AP3B1: variants seen among roughly 807,000 people sequenced by gnomAD.
The protein encoded by AP3B1 is adaptor related protein complex 3 subunit beta 1.
A neutral mutation model predicts 132.5 loss-of-function variants in AP3B1; 61 were observed. That is an observed-to-expected ratio of 0.46 (90% CI 0.37 to 0.57). The LOEUF is 0.57. AP3B1 is among the 20% of genes least tolerant of loss of function. The probability of loss-of-function intolerance (pLI) is 0.00; values close to 1 mark genes in which losing one functional copy is unlikely to be tolerated. For missense variants in AP3B1, 1,120 were observed against 1,289.4 expected (o/e 0.87, Z 2.01); for synonymous variants, 388 against 438.3 (o/e 0.89, Z 1.43).
chr5:78,251,909 C>G, intron 2 of AP3B1, among the ~76,000 whole-genome samples: 1 of 152,112 alleles, frequency 6.6e-6, no homozygotes, highest in East Asian at 1.9e-4. Context: ...GCTGGTGGCT[C>G]CAAAAGAGAC....
In AP3B1 at chr5:78,229,575, C is replaced by CAAAAAAAAA. The variant is rs70997973; in HGVS notation, c.280-1345_280-1337dup. On this transcript the variant is annotated intron_variant, in intron 3 of 26. Coordinates refer to ENST00000255194, the MANE Select transcript of AP3B1 (RefSeq NM_003664.5). Reference sequence around the variant, plus strand: ...TGGTGAAATCCCATTTCTAGTAAAACAAAAAAAAAAAAAATTAGCCAGGCA... The same window carrying CAAAAAAAAA: ...TGGTGAAATCCCATTTCTAGTAAAACAAAAAAAAAAAAAAAAAAAAAAATTAGCCAGGCA... 1.8e-3 allele frequency among the ~76,000 whole-genome samples: 242 copies of CAAAAAAAAA among 134,340 alleles called. 2 individuals carry two copies. The highest frequency in any genetic ancestry group is 4.1e-3 in the Middle Eastern group (1 of 242). The allele number at this position is 134,340 out of a possible 152,430, so 88.1% of individuals were successfully genotyped here.
At chr5:78,153,763 C>T (rs188958785) in intron 14 of AP3B1, among the ~76,000 whole-genome samples, 2 of 152,140 alleles carry the variant, frequency 1.3e-5, no homozygotes, top group African/African-American at 4.8e-5. Context: ...CTTGCAAATA[C>T]TATCTTATTA....
chr5:78,102,544 A>G (rs1751176480), intron 20 of AP3B1, among the ~76,000 whole-genome samples: 1 of 152,148 alleles, frequency 6.6e-6, no homozygotes, highest in Non-Finnish European at 1.5e-5. Context: ...AAAATAGAAG[A>G]AACATTAGTT....
chr5:78,024,262 T>G (rs139935143), intron 24 of AP3B1, among the ~76,000 whole-genome samples: 13 of 152,312 alleles, frequency 8.5e-5, no homozygotes, highest in Non-Finnish European at 1.8e-4. Flanking sequence ...ATGAACTCAG[T>G]ATGAAATTTA....
intron 11 of AP3B1, among the ~76,000 whole-genome samples, chr5:78,168,607 G>A (rs1323935529): frequency 6.6e-6 from 1 of 152,104 alleles, no homozygotes; most frequent in African/African-American, 2.4e-5. Context: ...TTTTCTGAAC[G>A]ATTTGAGACG....
chr5:78,006,343 C>G (rs931210198), intron 26 of AP3B1, among the ~76,000 whole-genome samples: 3 of 152,154 alleles, frequency 2.0e-5, no homozygotes, highest in Non-Finnish European at 4.4e-5. Context: ...TATCAGTCAA[C>G]AGATAAAGTT....
At chr5:78,105,186 G>A (rs1221259269) in intron 20 of AP3B1, among the ~76,000 whole-genome samples, 1 of 151,956 alleles carries the variant, frequency 6.6e-6, no homozygotes, top group Non-Finnish European at 1.5e-5. Flanking sequence ...TAATCATAGA[G>A]TATCTAAATC....
At chr5:78,282,223 G>A (rs1031824875) in intron 1 of AP3B1, among the ~76,000 whole-genome samples, 2 of 152,038 alleles carry the variant, frequency 1.3e-5, no homozygotes, top group African/African-American at 4.8e-5. Context: ...TTCCACACCA[G>A]CAGCTGGCAC....
At chr5:78,220,539 G>A (rs1023002953) in intron 6 of AP3B1, among the ~76,000 whole-genome samples, 3 of 151,706 alleles carry the variant, frequency 2.0e-5, no homozygotes, top group Non-Finnish European at 2.9e-5. Context: ...AAAAGTAAAC[G>A]AAAATCAACA....
chr5:78,179,875 A>C (rs545140762), intron 8 of AP3B1, among the ~76,000 whole-genome samples: 1 of 152,156 alleles, frequency 6.6e-6, no homozygotes, highest in Non-Finnish European at 1.5e-5. Context: ...ACTGACACAA[A>C]AAGTAAACCA....
intron 18 of AP3B1, chr5:78,115,921 G>A: frequency 1.7e-6 from 1 of 592,110 alleles, no homozygotes; most frequent in South Asian, 1.7e-5. Context: ...TACTATCCAA[G>A]AGATATTGTA....
intron 17 of AP3B1, among the ~76,000 whole-genome samples, chr5:78,121,242 G>A (rs926672171): frequency 6.6e-6 from 1 of 151,850 alleles, no homozygotes; most frequent in African/African-American, 2.4e-5. Flanking sequence ...GAGAAAGCAG[G>A]AAAGATCCAA....
At chr5:78,198,695 A>T (rs1317932905) in intron 7 of AP3B1, among the ~76,000 whole-genome samples, 2 of 152,208 alleles carry the variant, frequency 1.3e-5, no homozygotes, top group Non-Finnish European at 2.9e-5. Flanking sequence ...TTCAGTCCAT[A>T]GCACATACCA....
At chr5:78,281,251 A>G (rs1185877813) in intron 1 of AP3B1, among the ~76,000 whole-genome samples, 3 of 152,200 alleles carry the variant, frequency 2.0e-5, no homozygotes, top group Non-Finnish European at 2.9e-5. Context: ...CCTGACCAAC[A>G]TGGCAAAACC....
At chr5:78,224,921 G>T (rs1187963508) in intron 6 of AP3B1, among the ~76,000 whole-genome samples, 2 of 151,998 alleles carry the variant, frequency 1.3e-5, no homozygotes, top group African/African-American at 4.8e-5. Context: ...CATAAGATCA[G>T]CAAAGTAGAA....
intron 17 of AP3B1, among the ~76,000 whole-genome samples, chr5:78,116,540 A>C (rs1157916979): frequency 3.3e-5 from 5 of 152,120 alleles, no homozygotes; most frequent in Non-Finnish European, 7.3e-5. Flanking sequence ...AAAATAGGTG[A>C]GCGAAACTAG....
chr5:78,029,917 T>G (rs1338228406), intron 24 of AP3B1, among the ~76,000 whole-genome samples: 1 of 152,220 alleles, frequency 6.6e-6, no homozygotes, highest in African/African-American at 2.4e-5. Flanking sequence ...ATATTTAAAC[T>G]AATTTTTGCC....
chr5:78,063,173 C>T (rs1749132110), intron 22 of AP3B1, among the ~76,000 whole-genome samples: 5 of 152,166 alleles, frequency 3.3e-5, no homozygotes, highest in Admixed American at 3.3e-4. Flanking sequence ...AGGTTTCCCA[C>T]AATGTATACA....
intron 20 of AP3B1, among the ~76,000 whole-genome samples, chr5:78,102,260 A>C (rs1751162924): frequency 6.6e-6 from 1 of 152,120 alleles, no homozygotes; most frequent in African/African-American, 2.4e-5. Flanking sequence ...CATTACGTAA[A>C]ATTATACATA....
Sources: allele counts gnomAD v4.1 joint callset (sites outside exome capture counted in the v4.1 genomes callset), GRCh38; gene constraint gnomAD v4.1.1; transcripts MANE v1.5; gene names NCBI Gene and HGNC (gene_info 2026-07-23, HGNC 2026-07-21).